Variants in SLC36A3 observed in about 807,000 individuals in gnomAD.
SLC36A3 encodes the protein proton-coupled amino acid transporter 3.
Under a neutral mutation model 44.3 loss-of-function variants are expected in SLC36A3, and 35 were observed. That is an observed-to-expected ratio of 0.79 (90% CI 0.60 to 1.05). The LOEUF is 1.05. Among genes scored for constraint, SLC36A3 ranks in the 50% least tolerant of loss-of-function variants. SLC36A3 has a pLI of 0.00. For synonymous variants in SLC36A3, 211 were observed against 227.6 expected (o/e 0.93, Z 0.66); for missense variants, 540 against 578.7 (o/e 0.93, Z 0.69).
chr5:151,288,111 G>GT (rs1469144005), intron 5 of SLC36A3, among the ~76,000 whole-genome samples: 3 of 152,182 alleles, frequency 2.0e-5, no homozygotes, highest in Admixed American at 2.0e-4. Flanking sequence ...AATGTCACCA[G>GT]TGTTTTTCAG....
chr5:151,284,333 A>T, intron 7 of SLC36A3, 123 bp from the exon 8 acceptor site: 2 of 944,096 alleles, frequency 2.1e-6, no homozygotes, highest in Non-Finnish European at 3.2e-6. Flanking sequence ...CAGAAAGGGG[A>T]CTCTCCACAT....
chr5:151,280,699 T>C (rs1296575537), intron 9 of SLC36A3, among the ~76,000 whole-genome samples: 2 of 152,216 alleles, frequency 1.3e-5, no homozygotes, highest in African/African-American at 2.4e-5. Context: ...TGGTAATACA[T>C]TGTTAGGCTA....
intron 6 of SLC36A3, 148 bp downstream of exon 6, chr5:151,287,098 A>G (rs1422263045): frequency 1.4e-5 from 9 of 644,494 alleles, no homozygotes; most frequent in Non-Finnish European, 2.3e-5. Flanking sequence ...TGTGGGACAG[A>G]AGTGTTCCTA....
intron 3 of SLC36A3, among the ~76,000 whole-genome samples, chr5:151,294,463 A>G (rs1754886035): frequency 6.6e-6 from 1 of 152,154 alleles, no homozygotes; most frequent in Admixed American, 6.5e-5. Context: ...GGCAAACCAG[A>G]ATAACACATC....
In SLC36A3 at chr5:151,303,183, G is replaced by T. The variant is rs748671956; in HGVS notation, c.128+44C>A. 9 of 1,582,088 alleles carry T rather than the reference G, an allele frequency of 5.7e-6. No individual in the cohort carries two copies. In the South Asian group the frequency reaches 1.0e-4, roughly 18 times the overall value. On this transcript the variant is annotated intron_variant, in intron 1 of 9. Coordinates refer to ENST00000335230, the MANE Select transcript of SLC36A3 (RefSeq NM_181774.4). ...GACATAGTCCAGAGTTGCAAAAACAGCAGTGCTTGACCTCAGGCCTGGAAG... is the reference window on the plus strand; with the variant it reads ...GACATAGTCCAGAGTTGCAAAAACATCAGTGCTTGACCTCAGGCCTGGAAG...
Position 151,281,160 on chromosome 5 carries a change from A to T in SLC36A3, c.998T>A (p.Met333Lys). ...GGTGAAGAAGATGCCGATAGAGTAC[A>T]TCAGCTTGACTGACTGGTACAACCT... Reference protein sequence around the residue: ...NCWLYQSVKLMYSIGIFFTYA... With the variant: ...NCWLYQSVKLKYSIGIFFTYA... The change falls in exon 9 of 10, where the codon ATG (methionine) becomes AAG (lysine). Residue 333 changes from methionine to lysine, a missense_variant. By Grantham distance (95) the Met-to-Lys change is moderately conservative. Transcript: ENST00000335230. The T allele has an allele frequency of 6.2e-7, 1 of 1,612,896 alleles. No homozygotes were observed. Among genetic ancestry groups the T allele is most frequent in the Non-Finnish European group, 8.5e-7 (1 of 1,179,366 alleles).
intron 2 of SLC36A3, chr5:151,298,304 G>A: frequency 1.6e-5 from 5 of 313,458 alleles, no homozygotes; most frequent in Non-Finnish European, 2.9e-5. Flanking sequence ...TAATGCAAAT[G>A]ACGAAATGAG....
chr5:151,284,089 C>T lies in SLC36A3; in HGVS notation c.929G>A (p.Gly310Glu), dbSNP rs1360517389. Residue 310 changes from glycine to glutamate, a missense_variant, in exon 8 of 10, where the codon GGG (glycine) becomes GAG (glutamate). Coordinates refer to ENST00000335230, the MANE Select transcript of SLC36A3 (RefSeq NM_181774.4). ...GGTGATGCTGGCCTGGGTGTCTGACCCAAACTTCATGTAGCCCAGTGTCCC... is the reference window on the plus strand; with the variant it reads ...GGTGATGCTGGCCTGGGTGTCTGACTCAAACTTCATGTAGCCCAGTGTCCC... ...LLGTLGYMKFGSDTQASITLN... is the reference protein window; with the variant it reads ...LLGTLGYMKFESDTQASITLN... The T allele has an allele frequency of 6.2e-7, 1 of 1,613,944 alleles. No individual in the cohort carries two copies. The highest frequency in any genetic ancestry group is 1.1e-5 in the South Asian group (1 of 91,044).
In SLC36A3 at chr5:151,287,259, T is replaced by C; in HGVS notation, c.695A>G (p.Glu232Gly). The C allele has an allele frequency of 6.2e-7, 1 of 1,613,988 alleles. No individual in the cohort carries two copies. The highest frequency in any genetic ancestry group is 8.5e-7 in the Non-Finnish European group (1 of 1,179,990). ...TTLGSMALIF[E>G]YIMEGIPYPS... is the part of the protein sequence containing the mutation. ...TATGGCACAGACCTCCATGATATAC[T>C]CAAAGATCAGAGCCATGCTCCCAAG... The change falls in exon 6 of 10, where the codon GAG (glutamate) becomes GGG (glycine). Residue 232 changes from glutamate to glycine, a missense_variant. Transcript: ENST00000335230.
chr5:151,286,851 A>AT (rs34307254), intron 6 of SLC36A3, among the ~76,000 whole-genome samples: 2 of 152,054 alleles, frequency 1.3e-5, no homozygotes, highest in Non-Finnish European at 1.5e-5. Flanking sequence ...CACTTTTACA[A>AT]TTTTTTTGGT....
At chr5:151,296,337 G>T in intron 2 of SLC36A3, 69 bp from the exon 3 acceptor site, 2 of 1,358,654 alleles carry the variant, frequency 1.5e-6, no homozygotes, top group Non-Finnish European at 2.1e-6. Context: ...CCCTCTCACA[G>T]TCTGCGTGCT....
chr5:151,279,267 A>G (rs955456452), intron 9 of SLC36A3, among the ~76,000 whole-genome samples: 1 of 151,410 alleles, frequency 6.6e-6, no homozygotes, highest in East Asian at 1.9e-4. Context: ...CTTAACCATC[A>G]TATGGTGCAT....
chr5:151,284,258 G>A (rs1425251373), intron 7 of SLC36A3, 48 bp from the exon 8 acceptor site: 1 of 1,549,610 alleles, frequency 6.5e-7, no homozygotes, highest in Admixed American at 2.0e-5. Flanking sequence ...AAAGAGATGT[G>A]GCCCATTGTG....
chr5:151,280,869 G>T, intron 9 of SLC36A3, 145 bp downstream of exon 9: 2 of 801,428 alleles, frequency 2.5e-6, no homozygotes, highest in South Asian at 1.8e-5. Flanking sequence ...TTTTTTTCAC[G>T]TGGAAAAATT....
At chr5:151,301,648 A>T (rs954875588) in intron 1 of SLC36A3, among the ~76,000 whole-genome samples, 1 of 152,014 alleles carries the variant, frequency 6.6e-6, no homozygotes, top group Non-Finnish European at 1.5e-5. Context: ...TTGAGTGATA[A>T]TAAAACTCCG....
chr5:151,293,343 TACA>T lies in SLC36A3; in HGVS notation c.404+18_404+20del. 1 of 1,595,160 alleles carries T rather than the reference TACA, an allele frequency of 6.3e-7. No individual in the cohort carries two copies. The highest frequency in any genetic ancestry group is 8.6e-7 in the Non-Finnish European group (1 of 1,168,270). ...ATATGATGATTTTTGTTGTTACTAC[TACA>T]ACATCTGTGACTACTACCTTCCCCA... On this transcript the variant is annotated intron_variant, in intron 4 of 9. Transcript: ENST00000335230.
chr5:151,287,390 G>T lies in SLC36A3; in HGVS notation c.564C>A (p.Asp188Glu), dbSNP rs1421393735. The change falls in exon 6 of 10, where the codon GAC becomes GAA. Residue 188 changes from aspartate (D) to glutamate (E), a missense_variant. Asp to Glu is a conservative substitution (Grantham distance 45). Transcript: ENST00000335230. ...GGATTATCAGCATGTAGAAACGAAT[G>T]TCCAGGATGGGGGTCAGCGTCAGAA... ...REILTLTPIL[D>E]IRFYMLIILP... 4.2e-5 allele frequency: 67 copies of T among 1,614,050 alleles called. No individual in the cohort carries two copies. The highest frequency in any genetic ancestry group is 5.6e-5 in the Non-Finnish European group (66 of 1,180,034).
chr5:151,302,005 T>C (rs960014943), intron 1 of SLC36A3, among the ~76,000 whole-genome samples: 2 of 152,230 alleles, frequency 1.3e-5, no homozygotes, highest in African/African-American at 4.8e-5. Flanking sequence ...ATTGTAATAC[T>C]TACAGTACAA....
intron 2 of SLC36A3, 78 bp from the exon 3 acceptor site, chr5:151,296,346 C>T: frequency 4.0e-6 from 5 of 1,246,998 alleles, no homozygotes; most frequent in Non-Finnish European, 5.8e-6. Context: ...AGTCTGCGTG[C>T]TGGGGCCTGT....
Sources: allele counts gnomAD v4.1 joint callset (sites outside exome capture counted in the v4.1 genomes callset), GRCh38; gene constraint gnomAD v4.1.1; transcripts MANE v1.5; gene names NCBI Gene and HGNC (gene_info 2026-07-23, HGNC 2026-07-21).